The following AGBL1 variants were observed in gnomAD, a reference collection of about 807,000 sequenced individuals.
AGBL1 encodes the protein AGBL carboxypeptidase 1.
A neutral mutation model predicts 118.9 loss-of-function variants in AGBL1; 130 were observed. That is an observed-to-expected ratio of 1.09 (90% CI 0.95 to 1.26). AGBL1 has a LOEUF of 1.26. Among genes scored for constraint, AGBL1 ranks in the 50% most tolerant of loss-of-function variants. The pLI is 0.00. For missense variants in AGBL1, 1,584 were observed against 1,298.1 expected (o/e 1.22, Z -3.38); for synonymous variants, 555 against 478.9 (o/e 1.16, Z -2.08).
chr15:86,405,801 A>G (rs1253799934), intron 18 of AGBL1, among the ~76,000 whole-genome samples: 3 of 152,174 alleles, frequency 2.0e-5, no homozygotes, highest in Non-Finnish European at 4.4e-5. Context: ...GGTTCGCGCA[A>G]GTGGTAGAAG....
At chr15:86,517,977 G>A (rs1455881788) in intron 18 of AGBL1, among the ~76,000 whole-genome samples, 2 of 152,170 alleles carry the variant, frequency 1.3e-5, no homozygotes, top group Non-Finnish European at 2.9e-5. Flanking sequence ...TACAGTGAAT[G>A]GCGAAGCTGC....
At chr15:87,005,429 T>TTTCA (rs1015124388) in intron 24 of AGBL1, among the ~76,000 whole-genome samples, 11 of 152,188 alleles carry the variant, frequency 7.2e-5, no homozygotes, top group African/African-American at 2.7e-4. Context: ...TCTCACTTCG[T>TTTCA]TTCATTCATT....
intron 22 of AGBL1, among the ~76,000 whole-genome samples, chr15:86,807,537 T>C (rs1238970759): frequency 6.6e-6 from 1 of 152,092 alleles, no homozygotes; most frequent in Non-Finnish European, 1.5e-5. Flanking sequence ...TTGGAACCTG[T>C]TTTAATATTA....
intron 1 of AGBL1, among the ~76,000 whole-genome samples, chr15:86,126,140 T>A (rs1484871600): frequency 6.6e-6 from 1 of 152,228 alleles, no homozygotes; most frequent in Non-Finnish European, 1.5e-5. Flanking sequence ...TTTTTTCTAT[T>A]ATCTTTCCCA....
chr15:86,668,164 C>T (rs2142534489), intron 21 of AGBL1, among the ~76,000 whole-genome samples: 1 of 152,310 alleles, frequency 6.6e-6, no homozygotes. Flanking sequence ...AAACACCTCC[C>T]ACCAGACCCC....
chr15:86,090,057 C>T (rs535171794), intron 1 of AGBL1, among the ~76,000 whole-genome samples: 1 of 152,170 alleles, frequency 6.6e-6, no homozygotes, highest in Non-Finnish European at 1.5e-5. Flanking sequence ...AAGTATTTTT[C>T]CCGTCTTCTC....
chr15:86,817,327 A>G (rs1019585196), intron 22 of AGBL1, among the ~76,000 whole-genome samples: 30 of 151,034 alleles, frequency 2.0e-4, no homozygotes, highest in African/African-American at 6.8e-4. Flanking sequence ...AACTTAAGGC[A>G]TGGGCCAAGC....
chr15:86,410,710 C>G (rs978260726), intron 18 of AGBL1, among the ~76,000 whole-genome samples: 1 of 144,238 alleles, frequency 6.9e-6, no homozygotes, highest in Non-Finnish European at 1.5e-5. Context: ...CTTTTTCCTG[C>G]TTTTCATTTT....
chr15:86,366,607 C>T (rs933679232), intron 17 of AGBL1, among the ~76,000 whole-genome samples: 1 of 152,170 alleles, frequency 6.6e-6, no homozygotes, highest in Non-Finnish European at 1.5e-5. Flanking sequence ...TCACCCGTCT[C>T]TCCCAGACAT....
chr15:86,962,308 C>A (rs1375062231), intron 23 of AGBL1, among the ~76,000 whole-genome samples: 1 of 151,974 alleles, frequency 6.6e-6, no homozygotes. Context: ...ATAAGAGACT[C>A]CTGGATCTGT....
intron 22 of AGBL1, among the ~76,000 whole-genome samples, chr15:86,871,934 T>C (rs527339712): frequency 1.6e-4 from 25 of 152,342 alleles, no homozygotes; most frequent in African/African-American, 5.8e-4. Flanking sequence ...TACAGTTACA[T>C]TTAGAAAATA....
intron 22 of AGBL1, among the ~76,000 whole-genome samples, chr15:86,800,047 T>C (rs933559760): frequency 6.6e-6 from 1 of 152,120 alleles, no homozygotes; most frequent in Non-Finnish European, 1.5e-5. Flanking sequence ...TTTTCATTAT[T>C]CTCATTTTTC....
intron 22 of AGBL1, among the ~76,000 whole-genome samples, chr15:86,808,566 C>T (rs935225483): frequency 5.3e-5 from 8 of 150,276 alleles, no homozygotes; most frequent in African/African-American, 2.4e-5. Context: ...TCTTTCCTTC[C>T]TCCCCTTTCC....
chr15:86,573,026 A>G (rs1257076603), intron 21 of AGBL1, among the ~76,000 whole-genome samples: 2 of 152,242 alleles, frequency 1.3e-5, no homozygotes, highest in East Asian at 3.8e-4. Context: ...AGAACTTTTT[A>G]GAATACCTTG....
At chr15:86,772,697 G>T (rs2078198585) in intron 22 of AGBL1, among the ~76,000 whole-genome samples, 1 of 152,026 alleles carries the variant, frequency 6.6e-6, no homozygotes, top group Admixed American at 6.6e-5. Context: ...CATAAAGGTA[G>T]GAGGAAATCA....
chr15:86,786,386 G>A (rs181632256), intron 22 of AGBL1, among the ~76,000 whole-genome samples: 20 of 152,126 alleles, frequency 1.3e-4, no homozygotes, highest in African/African-American at 4.8e-4. Context: ...AAGAGAGTGT[G>A]GCAGGATATG....
Position 86,262,807 on chromosome 15 carries a change from G to T in AGBL1, c.999G>T (p.Lys333Asn), listed in dbSNP as rs557218142. The T allele has an allele frequency of 6.2e-7, 1 of 1,609,730 alleles. No individual in the cohort carries two copies. The highest frequency in any genetic ancestry group is 8.5e-7 in the Non-Finnish European group (1 of 1,177,920). The change falls in exon 10 of 23, where the codon AAG becomes AAT. Residue 333 changes from lysine to asparagine, a missense_variant. Lys to Asn is a moderately conservative substitution (Grantham distance 94). Transcript: ENST00000614907. ...ATGACTTGGAAACAGACGTGAACAAGCTGAGTTCCAAACCTGGTCTTGACC... is the reference window on the plus strand; with the variant it reads ...ATGACTTGGAAACAGACGTGAACAATCTGAGTTCCAAACCTGGTCTTGACC... ...EDDDLETDVNKLSSKPGLDRP... is the reference protein window; with the variant it reads ...EDDDLETDVNNLSSKPGLDRP...
intron 22 of AGBL1, among the ~76,000 whole-genome samples, chr15:86,707,490 C>T (rs946368505): frequency 6.6e-6 from 1 of 152,082 alleles, no homozygotes; most frequent in Non-Finnish European, 1.5e-5. Context: ...TACTCTGCCA[C>T]GTTTGCACAC....
At chr15:86,802,071 G>C (rs2078657532) in intron 22 of AGBL1, among the ~76,000 whole-genome samples, 1 of 152,032 alleles carries the variant, frequency 6.6e-6, no homozygotes, top group African/African-American at 2.4e-5. Flanking sequence ...TGATAGTTAG[G>C]GATTTAAATT....
Sources: allele counts gnomAD v4.1 joint callset (sites outside exome capture counted in the v4.1 genomes callset), GRCh38; gene constraint gnomAD v4.1.1; transcripts MANE v1.5; gene names NCBI Gene and HGNC (gene_info 2026-07-23, HGNC 2026-07-21).